Variants in WDFY4 observed in about 807,000 individuals in gnomAD.
WDFY4 encodes WDFY family member 4, also known as WD repeat- and FYVE domain-containing protein 4.
In WDFY4, 169 loss-of-function variants were observed where a neutral mutation model predicts 351.9. The observed-to-expected ratio is 0.48, with a 90% CI of 0.42 to 0.55. The LOEUF is 0.55. WDFY4 is among the 20% of genes least tolerant of loss of function. The pLI, the probability that WDFY4 is intolerant of heterozygous loss-of-function variation, is 0.00. For missense variants in WDFY4, 3,803 were observed against 3,935.6 expected, an observed-to-expected ratio of 0.97 and a Z score of 0.90; for synonymous variants, 1,622 against 1,574.6, an observed-to-expected ratio of 1.03 and a Z score of -0.71.
At chr10:48,815,843 T>G (rs1323330992) in intron 31 of WDFY4, among the ~76,000 whole-genome samples, 1 of 152,156 alleles carries the variant, frequency 6.6e-6, no homozygotes, top group African/African-American at 2.4e-5. Flanking sequence ...TGTTTGTATT[T>G]TCTTTATGAT....
At chr10:48,977,631 C>A (rs917558387) in intron 59 of WDFY4, among the ~76,000 whole-genome samples, 1 of 152,242 alleles carries the variant, frequency 6.6e-6, no homozygotes, top group Admixed American at 6.5e-5. Context: ...GCCAGAGGAG[C>A]CTGGGGTGGC....
At chr10:48,787,305 G>A (rs139401323) in intron 20 of WDFY4, among the ~76,000 whole-genome samples, 132 of 152,332 alleles carry the variant, frequency 8.7e-4, no homozygotes, top group African/African-American at 3.0e-3. Flanking sequence ...AAAGGGGTCA[G>A]CTCCCATCTG....
chr10:48,927,284 C>T (rs542127519), intron 47 of WDFY4, among the ~76,000 whole-genome samples: 3 of 152,130 alleles, frequency 2.0e-5, no homozygotes, highest in Non-Finnish European at 4.4e-5. Flanking sequence ...ACATCATGCC[C>T]GTGTCTTCAT....
At chr10:48,832,848 C>A in intron 39 of WDFY4, 139 bp downstream of exon 39, 2 of 1,173,216 alleles carry the variant, frequency 1.7e-6, no homozygotes, top group Non-Finnish European at 2.3e-6. Context: ...ATGCATGTAG[C>A]TCCCCAGTGG....
At chr10:48,726,794 TC>T (rs2064283630) in intron 6 of WDFY4, among the ~76,000 whole-genome samples, 1 of 152,228 alleles carries the variant, frequency 6.6e-6, no homozygotes, top group African/African-American at 2.4e-5. Context: ...CTTTCTCTGA[TC>T]CACTGGATTG....
intron 14 of WDFY4, among the ~76,000 whole-genome samples, chr10:48,775,088 AC>A (rs2065987324): frequency 6.6e-6 from 1 of 152,164 alleles, no homozygotes; most frequent in South Asian, 2.1e-4. Context: ...GGCAGAACCC[AC>A]CTGGATCCTC....
intron 8 of WDFY4, among the ~76,000 whole-genome samples, chr10:48,730,758 CT>C (rs2064432835): frequency 6.6e-6 from 1 of 152,176 alleles, no homozygotes; most frequent in Non-Finnish European, 1.5e-5. Flanking sequence ...TTTTATTTAA[CT>C]CAATATATCC....
intron 47 of WDFY4, among the ~76,000 whole-genome samples, chr10:48,928,361 T>TGTGTGTGTGTGG: frequency 7.4e-6 from 1 of 135,602 alleles, no homozygotes; most frequent in Non-Finnish European, 1.6e-5. Context: ...GACGTGTGTG[T>TGTGTGTGTGTGG]GTGTGTGTGT....
chr10:48,858,120 A>G (rs1274278462), intron 39 of WDFY4, among the ~76,000 whole-genome samples: 4 of 152,136 alleles, frequency 2.6e-5, no homozygotes, highest in Non-Finnish European at 5.9e-5. Flanking sequence ...AGAGTTCTTC[A>G]TATATTTTAG....
intron 56 of WDFY4, among the ~76,000 whole-genome samples, chr10:48,969,695 G>A (rs1310271736): frequency 6.6e-6 from 1 of 151,924 alleles, no homozygotes; most frequent in Non-Finnish European, 1.5e-5. Flanking sequence ...CCTTCTTGAT[G>A]TGGCCCCTGC....
In WDFY4 at chr10:48,851,291, G is replaced by A. The variant is rs547145819; in HGVS notation, c.6664-15974G>A. Among the ~76,000 whole-genome samples, 8 of 152,298 alleles carry A rather than the reference G, an allele frequency of 5.3e-5. No homozygotes were observed. In the East Asian group the frequency reaches 1.5e-3, roughly 29 times the overall value. On this transcript the variant is annotated intron_variant, in intron 39 of 61. Coordinates refer to ENST00000325239, the MANE Select transcript of WDFY4 (RefSeq NM_001394531.1). ...ACTGCATAGCATTCTATCACAGGAT[G>A]GACCCTCCTCCATATGTGGATGCTT... is the stretch of plus-strand genomic sequence containing the variant.
chr10:48,778,993 C>T (rs766340995), intron 18 of WDFY4, among the ~76,000 whole-genome samples, 161 bp downstream of exon 18: 4 of 152,328 alleles, frequency 2.6e-5, no homozygotes, highest in Non-Finnish European at 5.9e-5. Context: ...GAAAGGTCTA[C>T]AATATTTGTT....
intron 36 of WDFY4, among the ~76,000 whole-genome samples, 173 bp downstream of exon 36, chr10:48,827,082 T>A (rs2068033452): frequency 1.3e-5 from 2 of 152,234 alleles, no homozygotes; most frequent in African/African-American, 4.8e-5. Context: ...TCCCCAAACT[T>A]GTCCATGTGA....
intron 1 of WDFY4, 29 bp from the exon 2 acceptor site, chr10:48,709,687 A>G (rs764041875): frequency 6.7e-7 from 1 of 1,495,696 alleles, no homozygotes; most frequent in Non-Finnish European, 9.1e-7. Context: ...TGTGACAGGA[A>G]TGTTCACTTC....
chr10:48,894,020 A>G (rs1456610092), intron 44 of WDFY4, among the ~76,000 whole-genome samples: 1 of 152,188 alleles, frequency 6.6e-6, no homozygotes, highest in East Asian at 1.9e-4. Flanking sequence ...TAGAACATGT[A>G]GGGTGTAGTA....
chr10:48,974,527 A>AAAAAAAAAAAAAAAAAAAAC lies in WDFY4; in HGVS notation c.8929-333_8929-332insAAAAAAAAAAAAAAAAACAA. ...CAAAAAAAAAAAAAAAAAAAAAAAAAAACAACTCATGACATGAACTGCTCC... is the reference window on the plus strand; with the variant it reads ...CAAAAAAAAAAAAAAAAAAAAAAAAAAAAAAAAAAAAAAAAAAAACAACAACTCATGACATGAACTGCTCC... On this transcript the variant is annotated intron_variant, in intron 57 of 61. Transcript: ENST00000325239. Among the ~76,000 whole-genome samples, 22 of 23,192 alleles carry AAAAAAAAAAAAAAAAAAAAC rather than the reference A, an allele frequency of 9.5e-4. 4 individuals carry two copies. The highest frequency in any genetic ancestry group is 1.4e-3 in the African/African-American group (19 of 13,804). 15.2% of individuals were successfully genotyped at this position (23,192 alleles called of 152,430 possible). A position where few individuals can be genotyped will look rare whatever the true frequency, so the allele number is the denominator to read the frequency against.
intron 4 of WDFY4, among the ~76,000 whole-genome samples, chr10:48,721,860 C>CCA (rs1483631705): frequency 1.3e-5 from 2 of 152,144 alleles, no homozygotes; most frequent in African/African-American, 4.8e-5. Flanking sequence ...ATGCTCTGAG[C>CCA]CACTGTTCTT....
chr10:48,938,497 A>T (rs998573831), intron 47 of WDFY4, among the ~76,000 whole-genome samples: 1 of 152,234 alleles, frequency 6.6e-6, no homozygotes, highest in Non-Finnish European at 1.5e-5. Flanking sequence ...ATGGAGGAAG[A>T]GCTCTTGGAA....
intron 29 of WDFY4, 115 bp downstream of exon 29, chr10:48,810,850 A>G: frequency 8.8e-7 from 1 of 1,141,196 alleles, no homozygotes; most frequent in Non-Finnish European, 1.2e-6. Flanking sequence ...CAGCAGGATC[A>G]CCTCGAGCCC....
Sources: gnomAD v4.1 joint callset for allele counts (sites outside exome capture counted in the v4.1 genomes callset) on GRCh38, gnomAD v4.1.1 for gene constraint, MANE v1.5 for transcripts, NCBI Gene and HGNC (gene_info 2026-07-23, HGNC 2026-07-21) for gene names.